SLC17A8: variants seen among roughly 807,000 people sequenced by gnomAD.
The protein encoded by SLC17A8 is vesicular glutamate transporter 3.
A neutral mutation model predicts 58.0 loss-of-function variants in SLC17A8; 31 were observed. The ratio of observed to expected loss-of-function variants is 0.53; its 90% CI spans 0.40 to 0.72. The LOEUF is 0.72. Among genes scored for constraint, SLC17A8 ranks in the 30% least tolerant of loss-of-function variants. The probability of loss-of-function intolerance (pLI) is 0.00; values close to 1 mark genes in which losing one functional copy is unlikely to be tolerated. For missense variants in SLC17A8, 655 were observed against 727.8 expected, an observed-to-expected ratio of 0.90 and a Z score of 1.15; for synonymous variants, 228 against 249.0, an observed-to-expected ratio of 0.92 and a Z score of 0.79.
intron 1 of SLC17A8, among the ~76,000 whole-genome samples, chr12:100,359,630 G>A (rs1052131336): frequency 2.0e-5 from 3 of 152,194 alleles, no homozygotes; most frequent in Non-Finnish European, 2.9e-5. Flanking sequence ...GTGATCTATA[G>A]AGAGAAATTA....
intron 1 of SLC17A8, among the ~76,000 whole-genome samples, chr12:100,363,810 G>A (rs928176014): frequency 5.3e-5 from 8 of 152,044 alleles, no homozygotes; most frequent in South Asian, 2.1e-4. Context: ...GGAGGCCAAC[G>A]CAGATGGATC....
At chr12:100,408,166 G>C (rs1433971163) in intron 9 of SLC17A8, among the ~76,000 whole-genome samples, 1 of 152,174 alleles carries the variant, frequency 6.6e-6, no homozygotes, top group African/African-American at 2.4e-5. Context: ...TTTCTCATCT[G>C]AGAAGGATCA....
Position 100,391,034 on chromosome 12 carries a change from G to A in SLC17A8, c.388G>A (p.Gly130Ser), listed in dbSNP as rs763321598. The part of the protein sequence containing the change: ...AQFNWDPETV[G>S]LIHGSFFWGY... ...GTTTAACTGGGATCCAGAAACAGTG[G>A]GCCTTATCCATGGATCTTTTTTCTG... Residue 130 changes from glycine (G) to serine (S), a missense_variant, in exon 3 of 12, where the codon GGC becomes AGC. Coordinates refer to ENST00000323346, the MANE Select transcript of SLC17A8 (RefSeq NM_139319.3). 13 of 1,613,582 alleles carry A rather than the reference G, an allele frequency of 8.1e-6. No individual in the cohort carries two copies. Among genetic ancestry groups the A allele is most frequent in the Non-Finnish European group, 1.1e-5 (13 of 1,179,602 alleles).
chr12:100,411,456 G>T (rs1321833752), intron 9 of SLC17A8, among the ~76,000 whole-genome samples: 1 of 152,030 alleles, frequency 6.6e-6, no homozygotes, highest in Non-Finnish European at 1.5e-5. Context: ...CTCCAGCCTG[G>T]GTGATAAGAG....
At chr12:100,378,670 A>G (rs1398108622) in intron 1 of SLC17A8, among the ~76,000 whole-genome samples, 8 of 152,098 alleles carry the variant, frequency 5.3e-5, no homozygotes, top group Admixed American at 5.2e-4. Context: ...ATAAAAGGGG[A>G]CAAGATCTAG....
rs377037751 is a variant in SLC17A8 at position 100,361,500 on chromosome 12, ACCTGCCCTCCTCCT to A, written c.101+4018_101+4031del. On this transcript the variant is annotated intron_variant, in intron 1 of 11. Transcript: ENST00000323346. ...GCCATTCTATTTAAACATGAAGCTC[ACCTGCCCTCCTCCT>A]CCTGCCCTCTTCTCTGTCCCTCTTT... 3.3e-4 allele frequency among the ~76,000 whole-genome samples: 50 copies of A among 152,276 alleles called. 1 individual carries two copies. Among genetic ancestry groups the A allele is most frequent in the African/African-American group, 1.2e-3 (48 of 41,556 alleles).
At chr12:100,411,184 A>T (rs936413438) in intron 9 of SLC17A8, among the ~76,000 whole-genome samples, 12 of 151,906 alleles carry the variant, frequency 7.9e-5, no homozygotes, top group African/African-American at 2.7e-4. Flanking sequence ...GGAAGAGGCC[A>T]GGGGTGGTGG....
intron 2 of SLC17A8, among the ~76,000 whole-genome samples, chr12:100,389,658 G>A (rs576364194): frequency 4.9e-4 from 74 of 151,280 alleles, no homozygotes; most frequent in Admixed American, 1.1e-3. Flanking sequence ...AGAGACAGGA[G>A]CTTGCTCTGT....
intron 1 of SLC17A8, among the ~76,000 whole-genome samples, chr12:100,361,710 C>T (rs1952486069): frequency 6.6e-6 from 1 of 152,134 alleles, no homozygotes; most frequent in African/African-American, 2.4e-5. Context: ...GCCTATAATC[C>T]TAGCATTTTG....
chr12:100,380,820 A>C lies in SLC17A8; in HGVS notation c.221A>C (p.Lys74Thr), dbSNP rs748939449. The change falls in exon 2 of 12, where the codon AAG becomes ACG. Residue 74 changes from lysine to threonine, a missense_variant. Transcript: ENST00000323346. The stretch of plus-strand genomic sequence containing the variant: ...GACTGCCACTGCTGCGGCCTCCCCA[A>C]GCGTTACATCATTGCTATCATGAGT... The part of the protein sequence containing the change: ...LCDCHCCGLP[K>T]RYIIAIMSGL... The C allele has an allele frequency of 6.2e-6, 10 of 1,614,088 alleles. No individual in the cohort carries two copies. The Admixed American group carries it at 1.2e-4, about 19-fold the overall frequency.
intron 1 of SLC17A8, among the ~76,000 whole-genome samples, chr12:100,377,099 C>T (rs1314437770): frequency 1.3e-5 from 2 of 152,050 alleles, no homozygotes; most frequent in Non-Finnish European, 2.9e-5. Flanking sequence ...CGTGAGCTAC[C>T]ACGCCAGGCC....
intron 1 of SLC17A8, among the ~76,000 whole-genome samples, chr12:100,361,758 T>C (rs1470078299): frequency 6.6e-6 from 1 of 152,072 alleles, no homozygotes; most frequent in African/African-American, 2.4e-5. Flanking sequence ...GCTCAGGAGT[T>C]TGAGACCAGC....
At chr12:100,415,231 C>T (rs1027658102) in intron 10 of SLC17A8, among the ~76,000 whole-genome samples, 7 of 151,840 alleles carry the variant, frequency 4.6e-5, no homozygotes, top group Non-Finnish European at 1.0e-4. Flanking sequence ...TTTGGGAGGC[C>T]GAGGCAGATG....
chr12:100,372,376 C>A (rs57810109), intron 1 of SLC17A8, among the ~76,000 whole-genome samples: 1 of 152,092 alleles, frequency 6.6e-6, no homozygotes, highest in African/African-American at 2.4e-5. Flanking sequence ...GAAACAGGGT[C>A]TCACTCTGTC....
Position 100,393,393 on chromosome 12 carries a change from A to C in SLC17A8, c.498A>C (p.Leu166Phe), listed in dbSNP as rs2135996704. ...ANRVFGAAIF[L>F]TSTLNMFIPS... ...GGGTCTTTGGAGCTGCCATCTTCTTAACATCGACTCTGAACATGTTTATTC... is the reference window on the plus strand; with the variant it reads ...GGGTCTTTGGAGCTGCCATCTTCTTCACATCGACTCTGAACATGTTTATTC... The change falls in exon 4 of 12, where the codon TTA becomes TTC. Residue 166 changes from leucine (L) to phenylalanine (F), a missense_variant. Coordinates refer to ENST00000323346, the MANE Select transcript of SLC17A8 (RefSeq NM_139319.3). 6.2e-7 allele frequency: 1 copy of C among 1,613,810 alleles called. No individual in the cohort carries two copies. The highest frequency in any genetic ancestry group is 8.5e-7 in the Non-Finnish European group (1 of 1,179,778).
In SLC17A8 at chr12:100,402,629, T is replaced by A. The variant is rs750397338; in HGVS notation, c.937T>A (p.Ser313Thr). The change falls in exon 8 of 12, where the codon TCT becomes ACT. Residue 313 changes from serine to threonine, a missense_variant. Coordinates refer to ENST00000323346, the MANE Select transcript of SLC17A8 (RefSeq NM_139319.3). ...FSTPWKRFFT[S>T]LPVYAIIVAN... ...TACCCCATGGAAAAGATTTTTCACATCTTTGCCGGTTTATGCAATCATTGT... is the reference window on the plus strand; with the variant it reads ...TACCCCATGGAAAAGATTTTTCACAACTTTGCCGGTTTATGCAATCATTGT... 5.6e-6 allele frequency: 9 copies of A among 1,614,094 alleles called. No individual in the cohort carries two copies. The highest frequency in any genetic ancestry group is 7.6e-6 in the Non-Finnish European group (9 of 1,179,996).
chr12:100,394,826 AGTATATATATAATATATATAGT>A (rs1566397409), intron 4 of SLC17A8, among the ~76,000 whole-genome samples: 1 of 147,714 alleles, frequency 6.8e-6, no homozygotes, highest in Admixed American at 6.8e-5. Flanking sequence ...ATACATATAT[AGTATATATATAATATATATAGT>A]GTATATATAT....
intron 10 of SLC17A8, among the ~76,000 whole-genome samples, chr12:100,415,170 T>C (rs1414794297): frequency 6.6e-6 from 1 of 152,142 alleles, no homozygotes; most frequent in Non-Finnish European, 1.5e-5. Context: ...CCTTTTTTTT[T>C]AGACAGGGTC....
chr12:100,359,650 G>A (rs1176774214), intron 1 of SLC17A8, among the ~76,000 whole-genome samples: 2 of 152,178 alleles, frequency 1.3e-5, no homozygotes, highest in Admixed American at 6.5e-5. Context: ...ATTGGCAGAA[G>A]AAACGAAAAC....
Sources: allele counts gnomAD v4.1 joint callset (sites outside exome capture counted in the v4.1 genomes callset), GRCh38; gene constraint gnomAD v4.1.1; transcripts MANE v1.5; gene names NCBI Gene and HGNC (gene_info 2026-07-23, HGNC 2026-07-21).